Variants in KIF26B observed in about 807,000 individuals in gnomAD.
KIF26B encodes the protein kinesin family member 26B, also known as kinesin-like protein KIF26B.
A neutral mutation model predicts 151.2 loss-of-function variants in KIF26B; 63 were observed. The ratio of observed to expected loss-of-function variants is 0.42; its 90% CI spans 0.34 to 0.51. KIF26B has a LOEUF of 0.51. Among genes scored for constraint, KIF26B ranks in the 20% least tolerant of loss-of-function variants. The pLI, the probability that KIF26B is intolerant of heterozygous loss-of-function variation, is 0.07. For synonymous variants in KIF26B, 1,357 were observed against 1,262.1 expected, an observed-to-expected ratio of 1.08 and a Z score of -1.59; for missense variants, 2,813 against 2,913.6, an observed-to-expected ratio of 0.97 and a Z score of 0.79.
intron 5 of KIF26B, among the ~76,000 whole-genome samples, chr1:245,542,321 C>G (rs1298336578): frequency 6.6e-6 from 1 of 152,256 alleles, no homozygotes; most frequent in Non-Finnish European, 1.5e-5. Flanking sequence ...CCACTGCACT[C>G]TAGCCTGGGC....
intron 2 of KIF26B, among the ~76,000 whole-genome samples, chr1:245,178,276 G>A (rs147405946): frequency 3.3e-5 from 5 of 152,256 alleles, no homozygotes; most frequent in African/African-American, 4.8e-5. Context: ...CCGTATATCC[G>A]AGGTTGACTT....
chr1:245,500,991 A>T (rs1217557381), intron 4 of KIF26B, among the ~76,000 whole-genome samples: 1 of 152,122 alleles, frequency 6.6e-6, no homozygotes, highest in Non-Finnish European at 1.5e-5. Flanking sequence ...CTAATGACGA[A>T]CTCATTAAAA....
intron 4 of KIF26B, among the ~76,000 whole-genome samples, chr1:245,442,022 A>G (rs951275169): frequency 3.3e-5 from 5 of 152,176 alleles, no homozygotes; most frequent in Non-Finnish European, 5.9e-5. Flanking sequence ...CAAAATGCAG[A>G]CTGAGATTTA....
At chr1:245,526,932 ACTT>A (rs1349655603) in intron 4 of KIF26B, among the ~76,000 whole-genome samples, 1 of 152,252 alleles carries the variant, frequency 6.6e-6, no homozygotes, top group East Asian at 1.9e-4. Flanking sequence ...GAACAACACT[ACTT>A]CTTTTCGGTT....
intron 7 of KIF26B, 67 bp downstream of exon 7, chr1:245,607,811 C>A: frequency 7.9e-7 from 1 of 1,266,434 alleles, no homozygotes; most frequent in Non-Finnish European, 1.1e-6. Flanking sequence ...ATTCCTCTGT[C>A]TCCCTCCCAG....
intron 3 of KIF26B, among the ~76,000 whole-genome samples, chr1:245,382,413 T>C (rs1322496468): frequency 6.6e-6 from 1 of 152,194 alleles, no homozygotes; most frequent in Non-Finnish European, 1.5e-5. Context: ...TTCCATAGAA[T>C]GGGGATAGTA....
chr1:245,428,995 G>A (rs1409163806), intron 4 of KIF26B, among the ~76,000 whole-genome samples: 2 of 147,242 alleles, frequency 1.4e-5, no homozygotes, highest in African/African-American at 4.9e-5. Flanking sequence ...GGGGTGGGGG[G>A]CAGTGGTTAG....
At chr1:245,433,344 G>C (rs1244106149) in intron 4 of KIF26B, among the ~76,000 whole-genome samples, 1 of 151,664 alleles carries the variant, frequency 6.6e-6, no homozygotes, top group East Asian at 1.9e-4. Context: ...GTGGGCACCT[G>C]TAGCCCCAGC....
chr1:245,310,476 A>G (rs576374805), intron 2 of KIF26B, among the ~76,000 whole-genome samples: 1 of 152,210 alleles, frequency 6.6e-6, no homozygotes. Context: ...CAATATTCTA[A>G]GGGGACTGAG....
At chr1:245,471,932 C>T (rs1659924576) in intron 4 of KIF26B, among the ~76,000 whole-genome samples, 1 of 152,084 alleles carries the variant, frequency 6.6e-6, no homozygotes, top group African/African-American at 2.4e-5. Flanking sequence ...GCTGAGATTA[C>T]AGGCGCCCGC....
At chr1:245,556,111 C>CCTGGCAATG (rs1212097211) in intron 5 of KIF26B, among the ~76,000 whole-genome samples, 2 of 152,206 alleles carry the variant, frequency 1.3e-5, no homozygotes, top group African/African-American at 4.8e-5. Context: ...CTTACGTCTG[C>CCTGGCAATG]CTGGCAATGC....
chr1:245,589,962 C>G (rs2103135309), intron 5 of KIF26B, among the ~76,000 whole-genome samples: 1 of 152,334 alleles, frequency 6.6e-6, no homozygotes, highest in African/African-American at 2.4e-5. Flanking sequence ...TGTTGTTCTC[C>G]AAGCCAAATA....
At chr1:245,266,986 A>G (rs2102960938) in intron 2 of KIF26B, among the ~76,000 whole-genome samples, 2 of 152,330 alleles carry the variant, frequency 1.3e-5, no homozygotes, top group East Asian at 3.9e-4. Flanking sequence ...GCCTGGTCTT[A>G]TCCTTATCCT....
chr1:245,321,431 G>A (rs1671884389), intron 2 of KIF26B, among the ~76,000 whole-genome samples: 1 of 152,156 alleles, frequency 6.6e-6, no homozygotes, highest in Admixed American at 6.5e-5. Flanking sequence ...GTTAGAATGT[G>A]GCCAATAGAT....
In KIF26B at chr1:245,417,386, T is replaced by C. The variant is rs192352594; in HGVS notation, c.1000-2193T>C. ...GGTTTAAGAGTCAGGGTCCTATTCCTAGATACAAATTGGCTTGGGCAAATT... is the reference window on the plus strand; with the variant it reads ...GGTTTAAGAGTCAGGGTCCTATTCCCAGATACAAATTGGCTTGGGCAAATT... On this transcript the variant is annotated intron_variant, in intron 3 of 14. Coordinates refer to ENST00000407071, the MANE Select transcript of KIF26B (RefSeq NM_018012.4). 2.3e-3 allele frequency among the ~76,000 whole-genome samples: 351 copies of C among 152,260 alleles called. 1 individual carries two copies. Among genetic ancestry groups the C allele is most frequent in the Non-Finnish European group, 3.7e-3 (255 of 68,008 alleles).
In KIF26B at chr1:245,609,508, G is replaced by A; in HGVS notation, c.1894G>A (p.Asp632Asn). ...GTCCCCGGGCGTGTACCTCTGTGAG[G>A]ACCCCATCTGCGGCACGCAGGTGAT... ...GQSPGVYLCE[D>N]PICGTQLQNQ... The change falls in exon 8 of 15, where the codon GAC (aspartate) becomes AAC (asparagine). Residue 632 changes from aspartate to asparagine, a missense_variant. Around this residue, in one of 3 missense-constraint regions of KIF26B, gnomAD observed 2,060 missense variants for 2,088.6 expected, o/e 0.99. Coordinates refer to ENST00000407071, the MANE Select transcript of KIF26B (RefSeq NM_018012.4). 4 of 1,567,398 alleles carry A rather than the reference G, an allele frequency of 2.6e-6. No individual in the cohort carries two copies. The highest frequency in any genetic ancestry group is 3.5e-6 in the Non-Finnish European group (4 of 1,154,818).
rs538113698 is a variant in KIF26B at position 245,218,740 on chromosome 1, C to T, written c.465+62057C>T. Among the ~76,000 whole-genome samples the T allele has an allele frequency of 1.3e-5, 2 of 152,084 alleles. No individual in the cohort carries two copies. The highest frequency in any genetic ancestry group is 2.9e-5 in the Non-Finnish European group (2 of 68,016). On this transcript the variant is annotated intron_variant, in intron 2 of 14. Transcript: ENST00000407071. The surrounding 1 kb of genome is among the most constrained non-coding windows in gnomAD (Gnocchi z 4.1). ...TAAGCAAATATACATGGTACCTTGCCGTAGGGGGGCTTTATGTTTCTAAAT... is the reference window on the plus strand; with the variant it reads ...TAAGCAAATATACATGGTACCTTGCTGTAGGGGGGCTTTATGTTTCTAAAT...
At position 245,318,674 on chromosome 1, in the gene KIF26B, TC is replaced by T. The variant is rs1558387298; in HGVS notation, c.466-48158del. Reference sequence around the variant, plus strand: ...GAGACTCTGGCATATGCATCAGAGTTCCAGAGTGAAAGGTGGCTCTGAAAAC... The same window carrying T: ...GAGACTCTGGCATATGCATCAGAGTTCAGAGTGAAAGGTGGCTCTGAAAAC... On this transcript the variant is annotated intron_variant, in intron 2 of 14. Transcript: ENST00000407071. This position sits in a 1 kb window ranked among gnomAD's most constrained non-coding sequence, Gnocchi z 4.0. Among the ~76,000 whole-genome samples the T allele has an allele frequency of 2.0e-5, 3 of 152,190 alleles. No homozygotes were observed. The highest frequency in any genetic ancestry group is 7.2e-5 in the African/African-American group (3 of 41,508).
chr1:245,363,795 A>G (rs1185040009), intron 2 of KIF26B, among the ~76,000 whole-genome samples: 2 of 152,054 alleles, frequency 1.3e-5, no homozygotes, highest in East Asian at 3.9e-4. Context: ...ACGAGAGAGG[A>G]ATGGGTTGTT....
Sources: gnomAD v4.1 joint callset for allele counts (sites outside exome capture counted in the v4.1 genomes callset) on GRCh38, gnomAD v4.1.1 for gene constraint, gnomAD v4.1.1 regional missense constraint, Gnocchi (gnomAD v3.1) non-coding constraint, MANE v1.5 for transcripts, NCBI Gene and HGNC (gene_info 2026-07-23, HGNC 2026-07-21) for gene names.